The following BEND5 variants were observed in gnomAD, a reference collection of about 807,000 sequenced individuals.
BEND5 encodes the protein BEN domain containing 5, also known as BEN domain-containing protein 5.
Under a neutral mutation model 43.9 loss-of-function variants are expected in BEND5, and 22 were observed. That is an observed-to-expected ratio of 0.50 (90% CI 0.36 to 0.72). The LOEUF (loss-of-function observed/expected upper bound fraction) is 0.72. Among genes scored for constraint, BEND5 ranks in the 30% least tolerant of loss-of-function variants. The pLI is 0.00. For missense variants in BEND5, 428 were observed against 550.6 expected (o/e 0.78, Z 2.23); for synonymous variants, 228 against 225.9 (o/e 1.01, Z -0.08).
At chr1:48,745,501 C>G (rs957303716) in intron 3 of BEND5, among the ~76,000 whole-genome samples, 4 of 152,168 alleles carry the variant, frequency 2.6e-5, no homozygotes, top group Non-Finnish European at 5.9e-5. Flanking sequence ...TTGGTCCCCT[C>G]CCATAGTCAG....
At chr1:48,739,511 G>A (rs1462960462) in intron 4 of BEND5, among the ~76,000 whole-genome samples, 5 of 152,054 alleles carry the variant, frequency 3.3e-5, no homozygotes, top group African/African-American at 1.2e-4. Context: ...TTCATTTCCC[G>A]CTACTTCCAG....
At chr1:48,748,787 G>A (rs1012415973) in intron 3 of BEND5, among the ~76,000 whole-genome samples, 2 of 152,146 alleles carry the variant, frequency 1.3e-5, no homozygotes, top group Non-Finnish European at 2.9e-5. Flanking sequence ...GGGCTTTGAT[G>A]GATGCGCGAC....
intron 1 of BEND5, among the ~76,000 whole-genome samples, chr1:48,763,147 T>C (rs1327636294): frequency 6.6e-6 from 1 of 151,988 alleles, no homozygotes; most frequent in Non-Finnish European, 1.5e-5. Flanking sequence ...ATGATTTAAG[T>C]AGGGTAAGGA....
At chr1:48,751,872 G>T (rs1651793098) in intron 3 of BEND5, among the ~76,000 whole-genome samples, 1 of 152,172 alleles carries the variant, frequency 6.6e-6, no homozygotes, top group African/African-American at 2.4e-5. Context: ...GGAGGGTCCT[G>T]AATTGTTCGG....
At chr1:48,751,714 T>C (rs1223817486) in intron 3 of BEND5, among the ~76,000 whole-genome samples, 1 of 152,214 alleles carries the variant, frequency 6.6e-6, no homozygotes, top group Non-Finnish European at 1.5e-5. Context: ...AGAAACACAC[T>C]GCTATTCTGA....
In BEND5 at chr1:48,736,423, A is replaced by C. The variant is rs144029105; in HGVS notation, c.924T>G (p.Asp308Glu). 17 of 1,613,958 alleles carry C rather than the reference A, an allele frequency of 1.1e-5. No individual in the cohort carries two copies. Among genetic ancestry groups the C allele is most frequent in the Non-Finnish European group, 1.4e-5 (17 of 1,180,026 alleles). Reference sequence around the variant, plus strand: ...CTTGTAGCTGGTGCCATTTCTCCTCATCAACCCAAATCCCGCTTCCCAGAT... The same window carrying C: ...CTTGTAGCTGGTGCCATTTCTCCTCCTCAACCCAAATCCCGCTTCCCAGAT... ...KVHLGSGIWV[D>E]EEKWHQLQVT... The change falls in exon 5 of 6, where the codon GAT (aspartate) becomes GAG (glutamate). Residue 308 changes from aspartate to glutamate, a missense_variant. Physicochemically the swap from Asp to Glu is conservative, Grantham distance 45. This residue lies in a region of BEND5 where 75 missense variants were observed against 148.5 expected (regional missense o/e 0.50). Coordinates refer to ENST00000371833, the MANE Select transcript of BEND5 (RefSeq NM_024603.4). This position sits in a 1 kb window ranked among gnomAD's most constrained non-coding sequence, Gnocchi z 4.0.
chr1:48,739,774 G>A (rs993793902), intron 4 of BEND5, among the ~76,000 whole-genome samples: 6 of 152,152 alleles, frequency 3.9e-5, no homozygotes, highest in Admixed American at 6.5e-5. Context: ...CCATGTTTCC[G>A]CTCCTGCCAT....
chr1:48,751,573 A>AGCAGGT (rs1472018736), intron 3 of BEND5, among the ~76,000 whole-genome samples: 1 of 152,204 alleles, frequency 6.6e-6, no homozygotes, highest in African/African-American at 2.4e-5. Flanking sequence ...TCTGGCCCAA[A>AGCAGGT]GCAGGTATTC....
At chr1:48,759,946 G>T (rs1644166650) in intron 2 of BEND5, among the ~76,000 whole-genome samples, 1 of 152,174 alleles carries the variant, frequency 6.6e-6, no homozygotes, top group Non-Finnish European at 1.5e-5. Context: ...AAAGTTCAAA[G>T]AATTCTAGCA....
chr1:48,766,073 A>G (rs2148675427), intron 1 of BEND5, among the ~76,000 whole-genome samples: 1 of 152,344 alleles, frequency 6.6e-6, no homozygotes, highest in African/African-American at 2.4e-5. Flanking sequence ...AAATGGTAAA[A>G]TTCACATTGA....
intron 1 of BEND5, among the ~76,000 whole-genome samples, chr1:48,770,642 C>T (rs1372564068): frequency 6.6e-6 from 1 of 152,202 alleles, no homozygotes. Context: ...GCTCTCCTGA[C>T]ATATCCACCC....
chr1:48,728,820 C>T (rs1459501765), intron 5 of BEND5, among the ~76,000 whole-genome samples: 1 of 152,218 alleles, frequency 6.6e-6, no homozygotes, highest in Non-Finnish European at 1.5e-5. Flanking sequence ...ACAGTGTATG[C>T]AAGTAGTACT....
intron 1 of BEND5, among the ~76,000 whole-genome samples, chr1:48,771,170 A>G (rs1644807518): frequency 6.6e-6 from 1 of 152,200 alleles, no homozygotes; most frequent in Admixed American, 6.5e-5. Flanking sequence ...TACTTGTGGA[A>G]CTTAAATCAA....
In BEND5 at chr1:48,762,612, TTTTGTGTGTG is replaced by T. The variant is rs1218013544; in HGVS notation, c.227-1152_227-1143del. On this transcript the variant is annotated intron_variant, in intron 1 of 5. Transcript: ENST00000371833. Reference sequence around the variant, plus strand: ...GTTAGTTAAATCCAGTCTTTAAGGGTTTTGTGTGTGTGTGTGTGTGTGTGTGTGTGTGTGT... The same window carrying T: ...GTTAGTTAAATCCAGTCTTTAAGGGTTGTGTGTGTGTGTGTGTGTGTGTGT... 7.3e-3 allele frequency among the ~76,000 whole-genome samples: 934 copies of T among 127,982 alleles called. 16 individuals carry two copies. The highest frequency in any genetic ancestry group is 0.028 in the South Asian group (116 of 4,170). The allele number at this position is 127,982 out of a possible 152,430, so 84.0% of individuals were successfully genotyped here.
intron 4 of BEND5, among the ~76,000 whole-genome samples, chr1:48,739,390 TC>T (rs1649562507): frequency 6.6e-6 from 1 of 152,238 alleles, no homozygotes; most frequent in African/African-American, 2.4e-5. Context: ...TAATCCAACT[TC>T]CTCAGCCTGG....
At chr1:48,765,992 T>C (rs1243629607) in intron 1 of BEND5, among the ~76,000 whole-genome samples, 1 of 152,170 alleles carries the variant, frequency 6.6e-6, no homozygotes, top group African/African-American at 2.4e-5. Flanking sequence ...CGGAATTAAG[T>C]AGTAGTGATG....
chr1:48,773,081 G>A (rs1421201955), intron 1 of BEND5, among the ~76,000 whole-genome samples: 3 of 152,070 alleles, frequency 2.0e-5, no homozygotes, highest in Non-Finnish European at 2.9e-5. Context: ...AGGTGCACTG[G>A]TATATTCACT....
At chr1:48,744,658 C>A (rs2148605235) in intron 3 of BEND5, among the ~76,000 whole-genome samples, 1 of 152,274 alleles carries the variant, frequency 6.6e-6, no homozygotes, top group South Asian at 2.1e-4. Context: ...TCAGTTGATT[C>A]TCTCCCATCC....
At chr1:48,754,165 A>T (rs1342375562) in intron 3 of BEND5, among the ~76,000 whole-genome samples, 1 of 152,166 alleles carries the variant, frequency 6.6e-6, no homozygotes. Context: ...GTAGCCTTGG[A>T]CTTTGCCTTC....
Sources: allele counts gnomAD v4.1 joint callset (sites outside exome capture counted in the v4.1 genomes callset), GRCh38; gene constraint gnomAD v4.1.1; regional missense constraint gnomAD v4.1.1; non-coding constraint Gnocchi (gnomAD v3.1); transcripts MANE v1.5; gene names NCBI Gene and HGNC (gene_info 2026-07-23, HGNC 2026-07-21).